ATP8A2: variants seen among roughly 807,000 people sequenced by gnomAD.
The protein encoded by ATP8A2 is ATPase phospholipid transporting 8A2.
A neutral mutation model predicts 165.6 loss-of-function variants in ATP8A2; 100 were observed. That is an observed-to-expected ratio of 0.60 (90% CI 0.51 to 0.71). The LOEUF is 0.71. Among genes scored for constraint, ATP8A2 ranks in the 30% least tolerant of loss-of-function variants. ATP8A2 has a pLI of 0.00. For missense variants in ATP8A2, 1,227 were observed against 1,479.5 expected, an observed-to-expected ratio of 0.83 and a Z score of 2.80; for synonymous variants, 543 against 548.8, an observed-to-expected ratio of 0.99 and a Z score of 0.15.
intron 11 of ATP8A2, 40 bp from the exon 12 acceptor site, chr13:25,553,753 G>A: frequency 6.3e-7 from 1 of 1,590,454 alleles, no homozygotes; most frequent in Non-Finnish European, 8.6e-7. Flanking sequence ...ATAGACTTTG[G>A]TTGTGAACAC....
chr13:25,419,031 C>A (rs566576372), intron 1 of ATP8A2, among the ~76,000 whole-genome samples: 1 of 152,244 alleles, frequency 6.6e-6, no homozygotes, highest in South Asian at 2.1e-4. Context: ...GTGTCAGAAT[C>A]ATCTTAGAAC....
intron 33 of ATP8A2, among the ~76,000 whole-genome samples, chr13:25,952,384 C>G (rs200164012): frequency 6.8e-6 from 1 of 147,306 alleles, no homozygotes. Context: ...TCTTTTTCTT[C>G]TTTTTTTTTT....
chr13:25,712,879 C>T (rs1244158820), intron 25 of ATP8A2, among the ~76,000 whole-genome samples: 4 of 152,102 alleles, frequency 2.6e-5, no homozygotes, highest in Non-Finnish European at 4.4e-5. Context: ...CAAAATATAC[C>T]TGGGTATTCT....
Position 25,862,307 on chromosome 13 carries a change from C to G in ATP8A2, c.3082C>G (p.His1028Asp). The G allele has an allele frequency of 6.2e-7, 1 of 1,613,774 alleles. No individual in the cohort carries two copies. Among genetic ancestry groups the G allele is most frequent in the Non-Finnish European group, 8.5e-7 (1 of 1,179,714 alleles). ...TGTCTATTTCCCTCTGCAGTTCAGT[C>G]ATCTGGCTGTCTGGGGAAGCATGCT... ...LETTAWTKFS[H>D]LAVWGSMLTW... The change falls in exon 33 of 37, where the codon CAT becomes GAT. Residue 1028 changes from histidine to aspartate, a missense_variant. This residue lies in a region of ATP8A2 where 260 missense variants were observed against 245.1 expected (regional missense o/e 1.06). Coordinates refer to ENST00000381655, the MANE Select transcript of ATP8A2 (RefSeq NM_016529.6).
chr13:25,830,634 A>G (rs1227079763), intron 28 of ATP8A2, among the ~76,000 whole-genome samples: 1 of 152,206 alleles, frequency 6.6e-6, no homozygotes, highest in Non-Finnish European at 1.5e-5. Flanking sequence ...TATAAAATAA[A>G]TAGAAATATA....
At chr13:25,619,559 T>A (rs1216456699) in intron 24 of ATP8A2, among the ~76,000 whole-genome samples, 2 of 152,096 alleles carry the variant, frequency 1.3e-5, no homozygotes, top group Non-Finnish European at 2.9e-5. Flanking sequence ...CCTAGGGATA[T>A]CTGTGGAGAC....
rs202017613 is a variant in ATP8A2 at position 25,699,294 on chromosome 13, G to A, written c.2333G>A (p.Arg778Gln). Residue 778 changes from arginine to glutamine, a missense_variant, in exon 25 of 37, where the codon CGG becomes CAG. Arg to Gln is a conservative substitution (Grantham distance 43). Coordinates refer to ENST00000381655, the MANE Select transcript of ATP8A2 (RefSeq NM_016529.6). Reference protein sequence around the residue: ...TLKYALSFEVRRSFLDLALSC... With the variant: ...TLKYALSFEVQRSFLDLALSC... ...AAGTACGCGCTCTCCTTCGAAGTCC[G>A]GAGGAGTTTCCTGGATTTGGCACTC... The A allele has an allele frequency of 5.7e-4, 921 of 1,613,636 alleles. 2 individuals carry two copies. The highest frequency in any genetic ancestry group is 1.2e-3 in the Middle Eastern group (7 of 6,056).
chr13:25,610,062 G>C (rs9578892), intron 24 of ATP8A2, among the ~76,000 whole-genome samples: 1 of 152,062 alleles, frequency 6.6e-6, no homozygotes, highest in African/African-American at 2.4e-5. Context: ...CATTCTGTGG[G>C]TTGTGTGTTT....
chr13:25,684,174 T>G (rs192373321), intron 24 of ATP8A2, among the ~76,000 whole-genome samples: 553 of 152,354 alleles, frequency 3.6e-3, no homozygotes, highest in Non-Finnish European at 5.5e-3. Context: ...TCTTATTGAC[T>G]GCGCTTAGCA....
At chr13:25,696,093 C>T (rs2042828527) in intron 24 of ATP8A2, among the ~76,000 whole-genome samples, 1 of 152,216 alleles carries the variant, frequency 6.6e-6, no homozygotes, top group Non-Finnish European at 1.5e-5. Flanking sequence ...AACATTCATT[C>T]ATCAACGATG....
chr13:25,553,236 G>T (rs2038878290), intron 11 of ATP8A2, among the ~76,000 whole-genome samples: 1 of 149,572 alleles, frequency 6.7e-6, no homozygotes, highest in African/African-American at 2.5e-5. Flanking sequence ...TGCTGCCTCT[G>T]CTGTGGACTC....
intron 33 of ATP8A2, among the ~76,000 whole-genome samples, chr13:25,922,774 G>C (rs1954497492): frequency 6.6e-6 from 1 of 152,178 alleles, no homozygotes; most frequent in South Asian, 2.1e-4. Context: ...GGGGGGATCG[G>C]TAGGCCCTAC....
At chr13:25,560,790 C>T (rs541997298) in intron 15 of ATP8A2, among the ~76,000 whole-genome samples, 2 of 151,442 alleles carry the variant, frequency 1.3e-5, no homozygotes, top group South Asian at 4.2e-4. Flanking sequence ...TTATCTCCTA[C>T]TCTTGCTCCA....
At chr13:26,017,619 A>G (rs919148425) in intron 36 of ATP8A2, among the ~76,000 whole-genome samples, 1 of 152,150 alleles carries the variant, frequency 6.6e-6, no homozygotes, top group Non-Finnish European at 1.5e-5. Context: ...CTTGGTGAAA[A>G]TCCAAAAGCT....
At chr13:25,425,012 G>A (rs1346813870) in intron 1 of ATP8A2, among the ~76,000 whole-genome samples, 1 of 152,174 alleles carries the variant, frequency 6.6e-6, no homozygotes, top group African/African-American at 2.4e-5. Flanking sequence ...TTTCCTGCAA[G>A]TTTTCCTGAT....
At chr13:25,846,685 A>G (rs1279873022) in intron 30 of ATP8A2, among the ~76,000 whole-genome samples, 5 of 152,174 alleles carry the variant, frequency 3.3e-5, no homozygotes, top group Non-Finnish European at 7.3e-5. Context: ...GGAGCTGTGC[A>G]GTCTGATTTA....
intron 35 of ATP8A2, among the ~76,000 whole-genome samples, chr13:25,993,221 G>T (rs1292196036): frequency 6.6e-6 from 1 of 152,112 alleles, no homozygotes; most frequent in Non-Finnish European, 1.5e-5. Flanking sequence ...GGATGGCTGG[G>T]TCAAATGGTA....
At chr13:25,624,616 C>T (rs1020700312) in intron 24 of ATP8A2, among the ~76,000 whole-genome samples, 1 of 152,046 alleles carries the variant, frequency 6.6e-6, no homozygotes. Context: ...ACAGTATTTC[C>T]TCAAATTATA....
At chr13:25,903,413 C>T (rs1057275482) in intron 33 of ATP8A2, among the ~76,000 whole-genome samples, 5 of 152,198 alleles carry the variant, frequency 3.3e-5, no homozygotes, top group African/African-American at 9.7e-5. Flanking sequence ...CTAACCCCAC[C>T]TGGTCTCCCA....
Sources: gnomAD v4.1 joint callset for allele counts (sites outside exome capture counted in the v4.1 genomes callset) on GRCh38, gnomAD v4.1.1 for gene constraint, gnomAD v4.1.1 regional missense constraint, MANE v1.5 for transcripts, NCBI Gene and HGNC (gene_info 2026-07-23, HGNC 2026-07-21) for gene names.